Variants in TOM1 observed in about 807,000 individuals in gnomAD.
The protein encoded by TOM1 is target of myb1 membrane trafficking protein, also known as target of Myb protein 1.
TOM1 carries 38 observed loss-of-function variants against 61.3 expected under a neutral mutation model. The ratio of observed to expected loss-of-function variants is 0.62; its 90% CI spans 0.48 to 0.81. The LOEUF is 0.81. Among genes scored for constraint, TOM1 ranks in the 40% least tolerant of loss-of-function variants. The pLI is 0.00. For missense variants in TOM1, 591 were observed against 659.6 expected, an observed-to-expected ratio of 0.90 and a Z score of 1.14; for synonymous variants, 270 against 268.8, an observed-to-expected ratio of 1.00 and a Z score of -0.04.
chr22:35,343,342 A>C (rs199722877), intron 12 of TOM1, among the ~76,000 whole-genome samples: 1,594 of 77,436 alleles, frequency 0.021, no homozygotes, highest in East Asian at 0.093. Context: ...CCACACACAC[A>C]CCACACACAT....
rs557941872 is a variant in TOM1, at chr22:35,328,523, G to A, written c.765+1136G>A. Reference sequence around the variant, plus strand: ...GGTTATATGGCTGGTAAGTAGCAGAGCTGCGATTTGAACCCGGGGGCCTGG... The same window carrying A: ...GGTTATATGGCTGGTAAGTAGCAGAACTGCGATTTGAACCCGGGGGCCTGG... On this transcript the variant is annotated intron_variant, in intron 7 of 14. Transcript: ENST00000449058. 2.0e-5 allele frequency among the ~76,000 whole-genome samples: 3 copies of A among 152,348 alleles called. No individual in the cohort carries two copies. In the South Asian group the frequency reaches 6.2e-4, roughly 32 times the overall value.
At chr22:35,342,374 C>G (rs1427449085) in intron 12 of TOM1, among the ~76,000 whole-genome samples, 1 of 152,038 alleles carries the variant, frequency 6.6e-6, no homozygotes, top group African/African-American at 2.4e-5. Flanking sequence ...GGGAGCAGGA[C>G]TCTCGTCTCC....
intron 1 of TOM1, among the ~76,000 whole-genome samples, chr22:35,307,935 T>C (rs1005024395): frequency 6.6e-6 from 1 of 152,232 alleles, no homozygotes; most frequent in African/African-American, 2.4e-5. Flanking sequence ...TGTGAACGTA[T>C]GCCTTAGATG....
intron 12 of TOM1, 62 bp from the exon 13 acceptor site, chr22:35,345,663 A>G (rs1490724422): frequency 6.4e-7 from 1 of 1,565,764 alleles, no homozygotes; most frequent in Admixed American, 1.7e-5. Context: ...CAGGGTGCTG[A>G]GCTGGCACGT....
intron 8 of TOM1, 85 bp from the exon 9 acceptor site, chr22:35,332,896 C>A: frequency 1.5e-6 from 2 of 1,377,872 alleles, no homozygotes; most frequent in South Asian, 1.2e-5. Flanking sequence ...GATGTTGAGA[C>A]CCACAGTTTG....
At chr22:35,318,498 G>A (rs1015495642) in intron 2 of TOM1, among the ~76,000 whole-genome samples, 1 of 152,254 alleles carries the variant, frequency 6.6e-6, no homozygotes, top group African/African-American at 2.4e-5. Context: ...TGGGGTCACG[G>A]TATCGTCTTG....
rs146672758 is a variant in TOM1 at position 35,323,521 on chromosome 22, C to T, written c.392C>T (p.Ser131Leu). Reference protein sequence around the residue: ...IQSWADAFRSSPDLTGVVTIY... With the variant: ...IQSWADAFRSLPDLTGVVTIY... ...TCCTGGGCTGACGCGTTCCGCAGCTCGCCCGATCTGACAGGTGTGGTCACC... is the reference window on the plus strand; with the variant it reads ...TCCTGGGCTGACGCGTTCCGCAGCTTGCCCGATCTGACAGGTGTGGTCACC... The change falls in exon 5 of 15, where the codon TCG (serine) becomes TTG (leucine). Residue 131 changes from serine to leucine, a missense_variant. Coordinates refer to ENST00000449058, the MANE Select transcript of TOM1 (RefSeq NM_005488.3). This position sits in a 1 kb window ranked among gnomAD's most constrained non-coding sequence, Gnocchi z 4.2. The T allele has an allele frequency of 1.2e-6, 2 of 1,614,056 alleles. No individual in the cohort carries two copies. The highest frequency in any genetic ancestry group is 2.7e-5 in the African/African-American group (2 of 74,914).
chr22:35,309,344 C>A (rs540157095), intron 1 of TOM1, among the ~76,000 whole-genome samples: 1 of 152,122 alleles, frequency 6.6e-6, no homozygotes, highest in East Asian at 1.9e-4. Context: ...TCACCGATTC[C>A]CCCTTAGAAC....
rs552232006 is a variant in TOM1 at position 35,321,573 on chromosome 22, ATTT to A, written c.138-383_138-381del. ...ACCACCACGCCCGGCAAATTTTTGT[ATTT>A]TTAGTAGAGACAGGGTTTCACCATG... On this transcript the variant is annotated intron_variant, in intron 2 of 14. Coordinates refer to ENST00000449058, the MANE Select transcript of TOM1 (RefSeq NM_005488.3). Among the ~76,000 whole-genome samples, 59 of 152,040 alleles carry A rather than the reference ATTT, an allele frequency of 3.9e-4. No individual in the cohort carries two copies. In the South Asian group the frequency reaches 0.012, roughly 30 times the overall value.
rs1255575580 is a variant in TOM1 at position 35,345,736 on chromosome 22, C to T, written c.1236C>T (p.Thr412=). 1.9e-6 allele frequency: 3 copies of T among 1,614,046 alleles called. No homozygotes were observed. The highest frequency in any genetic ancestry group is 2.7e-5 in the African/African-American group (2 of 74,942). ...GCCCTTCCTTCCAGATCCCAGTCAC[C>T]CAGGCCTGCCTCATGGAGGACATCG... ...RQQSTGAIPV[T]QACLMEDIEQ... The change falls in exon 13 of 15, where the codon ACC becomes ACT. Residue 412 remains threonine (T), a synonymous_variant. Coordinates refer to ENST00000449058, the MANE Select transcript of TOM1 (RefSeq NM_005488.3).
At position 35,346,002 on chromosome 22, in the gene TOM1, C is replaced by T. The variant is rs544616578; in HGVS notation, c.1284+218C>T. Reference sequence around the variant, plus strand: ...GTAGCCTCTCGGCTGCTTCCCAGAGCCTGCTCCCAAGGTGAGGTCCCAGTG... The same window carrying T: ...GTAGCCTCTCGGCTGCTTCCCAGAGTCTGCTCCCAAGGTGAGGTCCCAGTG... On this transcript the variant is annotated intron_variant, in intron 13 of 14. Coordinates refer to ENST00000449058, the MANE Select transcript of TOM1 (RefSeq NM_005488.3). Among the ~76,000 whole-genome samples the T allele has an allele frequency of 3.0e-4, 45 of 152,354 alleles. 1 individual carries two copies. The highest frequency in any genetic ancestry group is 1.1e-3 in the African/African-American group (44 of 41,576).
chr22:35,299,547 A>T (rs1172328457), upstream of TOM1: 2 of 265,748 alleles, frequency 7.5e-6, no homozygotes, highest in Non-Finnish European at 1.5e-5. Flanking sequence ...TGACCCTAAG[A>T]GTCTCGGCTT....
chr22:35,336,022 C>A (rs1380852273), intron 11 of TOM1, among the ~76,000 whole-genome samples: 3 of 152,140 alleles, frequency 2.0e-5, no homozygotes, highest in Admixed American at 1.3e-4. Flanking sequence ...GTGGGGCCCA[C>A]TGGGCTACAG....
intron 1 of TOM1, among the ~76,000 whole-genome samples, chr22:35,315,159 C>T (rs1422154101): frequency 6.6e-6 from 1 of 151,846 alleles, no homozygotes; most frequent in Non-Finnish European, 1.5e-5. Flanking sequence ...GAAGCTGAGG[C>T]GGTAGTCTAG....
At position 35,347,393 on chromosome 22, in the gene TOM1, G is replaced by A; in HGVS notation, c.*184G>A. Reference sequence around the variant, plus strand: ...GTGTGGAGGCAGTGGGATGAACTGGGGGACAGGTCTGCGCTGCAGTGGGAT... The same window carrying A: ...GTGTGGAGGCAGTGGGATGAACTGGAGGACAGGTCTGCGCTGCAGTGGGAT... On this transcript the variant is annotated 3_prime_UTR_variant, in exon 15 of 15. Transcript: ENST00000449058. 1 of 580,276 alleles carries A rather than the reference G, an allele frequency of 1.7e-6. No homozygotes were observed. The highest frequency in any genetic ancestry group is 2.6e-5 in the South Asian group (1 of 38,040). 35.9% of individuals were successfully genotyped at this position (580,276 alleles called of 1,614,324 possible). A position where few individuals can be genotyped will look rare whatever the true frequency, so the allele number is the denominator to read the frequency against.
intron 13 of TOM1, 73 bp downstream of exon 13, chr22:35,345,857 C>T (rs1930464555): frequency 1.3e-6 from 2 of 1,514,806 alleles, no homozygotes; most frequent in Admixed American, 3.3e-5. Context: ...ACCCATGGGG[C>T]CAGGGTAGAC....
At chr22:35,329,491 A>G (rs1171177141) in intron 7 of TOM1, among the ~76,000 whole-genome samples, 3 of 152,252 alleles carry the variant, frequency 2.0e-5, no homozygotes, top group Non-Finnish European at 4.4e-5. Flanking sequence ...TCAAGGGTAT[A>G]TGGGAACTTG....
intron 1 of TOM1, among the ~76,000 whole-genome samples, chr22:35,317,669 G>C (rs557130241): frequency 6.6e-6 from 1 of 152,146 alleles, no homozygotes; most frequent in Non-Finnish European, 1.5e-5. Context: ...GAGGTACTCC[G>C]GCCTCAGTGG....
At chr22:35,342,624 C>T (rs774689650) in intron 12 of TOM1, among the ~76,000 whole-genome samples, 8 of 151,790 alleles carry the variant, frequency 5.3e-5, no homozygotes, top group Admixed American at 2.0e-4. Context: ...CTACCCAGGG[C>T]GCTGGCATCC....
Sources: gnomAD v4.1 joint callset for allele counts (sites outside exome capture counted in the v4.1 genomes callset) on GRCh38, gnomAD v4.1.1 for gene constraint, Gnocchi (gnomAD v3.1) non-coding constraint, MANE v1.5 for transcripts, NCBI Gene and HGNC (gene_info 2026-07-23, HGNC 2026-07-21) for gene names.